The following COL18A1 variants were observed in gnomAD, a reference collection of about 807,000 sequenced individuals.
COL18A1 encodes collagen alpha-1(XVIII) chain.
A neutral mutation model predicts 168.0 loss-of-function variants in COL18A1; 133 were observed. The ratio of observed to expected loss-of-function variants is 0.79; its 90% CI spans 0.69 to 0.91. The LOEUF is 0.91. COL18A1 is among the 40% of genes least tolerant of loss of function. The pLI is 0.00. For missense variants in COL18A1, 2,126 were observed against 1,925.4 expected (o/e 1.10, Z -1.95); for synonymous variants, 949 against 809.0 (o/e 1.17, Z -2.94).
In COL18A1 at chr21:45,495,343, T is replaced by C; in HGVS notation, c.2434-15T>C. The C allele has an allele frequency of 5.0e-6, 8 of 1,600,282 alleles. No individual in the cohort carries two copies. The highest frequency in any genetic ancestry group is 5.1e-6 in the Non-Finnish European group (6 of 1,172,826). ...TCAGTGCCCAGCAGTCCCCACCCCCTGTGCTCCGCCCCAGGGTCGCCCCGG... is the reference window on the plus strand; with the variant it reads ...TCAGTGCCCAGCAGTCCCCACCCCCCGTGCTCCGCCCCAGGGTCGCCCCGG... On this transcript the variant is annotated splice_polypyrimidine_tract_variant and intron_variant, in intron 28 of 41. Coordinates refer to ENST00000651438, the MANE Select transcript of COL18A1 (RefSeq NM_001379500.1).
At chr21:45,458,974 G>A (rs919425655) in intron 2 of COL18A1, among the ~76,000 whole-genome samples, 3 of 152,228 alleles carry the variant, frequency 2.0e-5, no homozygotes, top group African/African-American at 4.8e-5. Context: ...CAGCTGGCCC[G>A]GTCGGTGGCA....
chr21:45,490,642 C>T (rs1300395564), intron 20 of COL18A1, among the ~76,000 whole-genome samples, 194 bp from the exon 21 acceptor site: 12 of 138,992 alleles, frequency 8.6e-5, no homozygotes, highest in African/African-American at 3.2e-4. Context: ...GTCTCTGGGC[C>T]TCCGTGTGCC....
At chr21:45,496,323 C>T (rs747836348) in intron 29 of COL18A1, 177 bp from the exon 30 acceptor site, 4 of 717,056 alleles carry the variant, frequency 5.6e-6, no homozygotes, top group Non-Finnish European at 1.0e-5. Context: ...GGGCCGGGGC[C>T]AGTTCCTGTC....
rs756649129 is a variant in COL18A1 at position 45,510,149 on chromosome 21, G to A, written c.3581G>A (p.Arg1194Gln). 6.9e-6 allele frequency: 11 copies of A among 1,598,510 alleles called. No individual in the cohort carries two copies. Among genetic ancestry groups the A allele is most frequent in the Admixed American group, 1.7e-5 (1 of 58,566 alleles). The change falls in exon 40 of 42, where the codon CGG becomes CAG. Residue 1194 changes from arginine to glutamine, a missense_variant. By Grantham distance (43) the Arg-to-Gln change is conservative (BLOSUM62 1). Coordinates refer to ENST00000651438, the MANE Select transcript of COL18A1 (RefSeq NM_001379500.1). ...GACTTCCAGTGCTTCCAGCAGGCGC[G>A]GGCCGTGGGGCTGGCGGGCACCTTC... ...GADFQCFQQARAVGLAGTFRA... is the reference protein window; with the variant it reads ...GADFQCFQQAQAVGLAGTFRA...
chr21:45,467,792 C>T (rs893532354), intron 2 of COL18A1, among the ~76,000 whole-genome samples: 4 of 152,152 alleles, frequency 2.6e-5, no homozygotes, highest in African/African-American at 7.2e-5. Flanking sequence ...GGCGGGAAGG[C>T]TGCCAGCCCC....
At chr21:45,486,046 G>T (rs1380223799) in intron 15 of COL18A1, among the ~76,000 whole-genome samples, 2 of 152,218 alleles carry the variant, frequency 1.3e-5, no homozygotes, top group Non-Finnish European at 2.9e-5. Context: ...CTGCCTCAGG[G>T]CCTCCCTCCC....
At chr21:45,509,239 T>A (rs1197644282) in intron 38 of COL18A1, 117 bp from the exon 39 acceptor site, 1 of 1,386,782 alleles carries the variant, frequency 7.2e-7, no homozygotes, top group Non-Finnish European at 9.7e-7. Context: ...GGGGCGCAGC[T>A]CCCTGCTTGC....
intron 2 of COL18A1, among the ~76,000 whole-genome samples, chr21:45,453,195 T>C (rs2034687546): frequency 6.6e-6 from 1 of 152,204 alleles, no homozygotes; most frequent in Non-Finnish European, 1.5e-5. Flanking sequence ...ATGCATGTAT[T>C]CATGTGTGAC....
At chr21:45,433,022 G>T (rs2145787371) in intron 2 of COL18A1, among the ~76,000 whole-genome samples, 1 of 152,284 alleles carries the variant, frequency 6.6e-6, no homozygotes, top group Non-Finnish European at 1.5e-5. Context: ...CCCCAAATAG[G>T]TTCTAGAAAA....
At chr21:45,466,142 A>G (rs2035201675) in intron 2 of COL18A1, among the ~76,000 whole-genome samples, 2 of 152,094 alleles carry the variant, frequency 1.3e-5, no homozygotes, top group South Asian at 4.1e-4. Flanking sequence ...GCCACTGCAG[A>G]AGGGATGGAC....
At chr21:45,474,387 T>A (rs2035558795) in intron 4 of COL18A1, among the ~76,000 whole-genome samples, 1 of 126,322 alleles carries the variant, frequency 7.9e-6, no homozygotes, top group South Asian at 2.3e-4. Flanking sequence ...GTTGTGTGTG[T>A]TGTATGTGTG....
Position 45,443,477 on chromosome 21 carries a change from G to A in COL18A1, c.107-24765G>A, listed in dbSNP as rs1219497229. On this transcript the variant is annotated intron_variant, in intron 2 of 41. Coordinates refer to ENST00000651438, the MANE Select transcript of COL18A1 (RefSeq NM_001379500.1). The surrounding 1 kb of genome is among the most constrained non-coding windows in gnomAD (Gnocchi z 5.2). The stretch of plus-strand genomic sequence containing the variant: ...GGCATCGCAGCAGAGTCCCGGTGGT[G>A]GAGATGCTTTGCCACTGGCCACCCA... Among the ~76,000 whole-genome samples the A allele has an allele frequency of 6.6e-6, 1 of 152,158 alleles. No homozygotes were observed. Among genetic ancestry groups the A allele is most frequent in the Non-Finnish European group, 1.5e-5 (1 of 68,018 alleles).
chr21:45,493,626 T>TCTCCACAGCCCCA, intron 26 of COL18A1, 51 bp downstream of exon 26: 3 of 1,373,782 alleles, frequency 2.2e-6, no homozygotes, highest in Non-Finnish European at 3.0e-6. Context: ...CCTGGGGCTG[T>TCTCCACAGCCCCA]GGAGACAGCC....
rs1309835810 is a variant in COL18A1 at position 45,497,046 on chromosome 21, G to A, written c.2578-4G>A. The A allele has an allele frequency of 6.2e-7, 1 of 1,602,160 alleles. No homozygotes were observed. The highest frequency in any genetic ancestry group is 1.1e-5 in the South Asian group (1 of 90,930). On this transcript the variant is annotated splice_polypyrimidine_tract_variant and splice_region_variant and intron_variant, in intron 30 of 41. Coordinates refer to ENST00000651438, the MANE Select transcript of COL18A1 (RefSeq NM_001379500.1). The stretch of plus-strand genomic sequence containing the variant: ...CAGCAGCCGCCTCTCCCCGTTCCTT[G>A]CAGGTGTTTGCTGAGTCCAGCCGCC...
chr21:45,491,924 G>T (rs957073592), intron 22 of COL18A1, among the ~76,000 whole-genome samples: 1 of 139,550 alleles, frequency 7.2e-6, no homozygotes, highest in Non-Finnish European at 1.5e-5. Context: ...GTGGCCAGGG[G>T]TTCAGATCCC....
Position 45,512,277 on chromosome 21 carries a change from C to T in COL18A1, c.3899C>T (p.Ser1300Leu), listed in dbSNP as rs773020053. The T allele has an allele frequency of 2.9e-5, 46 of 1,611,790 alleles. No homozygotes were observed. In the African/African-American group the frequency reaches 3.3e-4, roughly 12 times the overall value. The change falls in exon 42 of 42, where the codon TCG becomes TTG. Residue 1300 changes from serine (S) to leucine (L), a missense_variant. By Grantham distance (145) the Ser-to-Leu change is moderately radical (BLOSUM62 -2). Transcript: ENST00000651438. ...GAGACGTGGCGGACGGAGGCTCCCT[C>T]GGCCACGGGCCAGGCCTCCTCGCTG... ...YCETWRTEAP[S>L]ATGQASSLLG... is the part of the protein sequence containing the mutation.
chr21:45,478,172 T>C, intron 8 of COL18A1, 155 bp from the exon 9 acceptor site: 1 of 954,634 alleles, frequency 1.0e-6, no homozygotes. Context: ...CCCTTGTGGG[T>C]GTGAGGAGGC....
Position 45,487,447 on chromosome 21 carries a change from G to A in COL18A1, c.1834G>A (p.Asp612Asn). ...PPGPGLPAGFDDMEGSGGPFW... is the reference protein window; with the variant it reads ...PPGPGLPAGFNDMEGSGGPFW... Reference sequence around the variant, plus strand: ...TACGTGTCTCGTGTGTCTCTTCCAGGATGACATGGAAGGCTCCGGGGGGCC... The same window carrying A: ...TACGTGTCTCGTGTGTCTCTTCCAGAATGACATGGAAGGCTCCGGGGGGCC... Residue 612 changes from aspartate to asparagine, a missense_variant and splice_region_variant, in exon 17 of 42, where the codon GAT becomes AAT. Coordinates refer to ENST00000651438, the MANE Select transcript of COL18A1 (RefSeq NM_001379500.1). 1 of 1,612,918 alleles carries A rather than the reference G, an allele frequency of 6.2e-7. No individual in the cohort carries two copies. Among genetic ancestry groups the A allele is most frequent in the Non-Finnish European group, 8.5e-7 (1 of 1,179,978 alleles).
intron 39 of COL18A1, among the ~76,000 whole-genome samples, 198 bp downstream of exon 39, chr21:45,509,799 T>C (rs2037463930): frequency 6.6e-6 from 1 of 151,982 alleles, no homozygotes; most frequent in South Asian, 2.1e-4. Context: ...GTCATGAAAG[T>C]CCAGCCGCTG....
Sources: gnomAD v4.1 joint callset for allele counts (sites outside exome capture counted in the v4.1 genomes callset) on GRCh38, gnomAD v4.1.1 for gene constraint, Gnocchi (gnomAD v3.1) non-coding constraint, MANE v1.5 for transcripts, NCBI Gene and HGNC (gene_info 2026-07-23, HGNC 2026-07-21) for gene names.